The following ATP13A4 variants were observed in gnomAD, a reference collection of about 807,000 sequenced individuals.
ATP13A4 encodes probable cation-transporting ATPase 13A4.
A neutral mutation model predicts 142.5 loss-of-function variants in ATP13A4; 114 were observed. The ratio of observed to expected loss-of-function variants is 0.80; its 90% CI spans 0.69 to 0.93. The LOEUF (loss-of-function observed/expected upper bound fraction) is 0.93, where lower values mean the gene tolerates loss of function less well. ATP13A4 is among the 40% of genes least tolerant of loss of function. ATP13A4 has a pLI of 0.00. For synonymous variants in ATP13A4, 488 were observed against 514.8 expected, an observed-to-expected ratio of 0.95 and a Z score of 0.70; for missense variants, 1,392 against 1,454.0, an observed-to-expected ratio of 0.96 and a Z score of 0.69.
At chr3:193,469,814 T>C (rs888409656) in intron 9 of ATP13A4, among the ~76,000 whole-genome samples, 6 of 152,214 alleles carry the variant, frequency 3.9e-5, no homozygotes, top group African/African-American at 1.4e-4. Flanking sequence ...TGATGGTCTC[T>C]GCAGAGTGGT....
At chr3:193,502,060 G>C (rs1720577673) in intron 3 of ATP13A4, among the ~76,000 whole-genome samples, 1 of 152,110 alleles carries the variant, frequency 6.6e-6, no homozygotes, top group African/African-American at 2.4e-5. Context: ...CCAGGAGTTT[G>C]AGGCTGTAGT....
chr3:193,480,583 ACCTTACT>A (rs1287208456), intron 8 of ATP13A4, among the ~76,000 whole-genome samples: 1 of 152,204 alleles, frequency 6.6e-6, no homozygotes, highest in African/African-American at 2.4e-5. Context: ...ATGCGATATC[ACCTTACT>A]CCTGCAAGAA....
chr3:193,459,958 G>A (rs925761925), intron 13 of ATP13A4, among the ~76,000 whole-genome samples: 1 of 152,234 alleles, frequency 6.6e-6, no homozygotes, highest in Admixed American at 6.5e-5. Flanking sequence ...AATGTTGTCT[G>A]CAGCTTGGTT....
intron 13 of ATP13A4, among the ~76,000 whole-genome samples, chr3:193,462,149 G>A (rs1355349789): frequency 4.6e-5 from 7 of 151,466 alleles, no homozygotes; most frequent in Non-Finnish European, 1.0e-4. Context: ...TTGAACCCAG[G>A]AGGCGGAGGT....
intron 17 of ATP13A4, among the ~76,000 whole-genome samples, chr3:193,449,815 C>T (rs984368321): frequency 4.6e-5 from 7 of 152,148 alleles, no homozygotes; most frequent in African/African-American, 1.7e-4. Flanking sequence ...CAAAGGCTCC[C>T]TCAGATAGAA....
intron 7 of ATP13A4, among the ~76,000 whole-genome samples, chr3:193,487,947 A>G (rs1719724250): frequency 6.6e-6 from 1 of 152,186 alleles, no homozygotes; most frequent in Admixed American, 6.5e-5. Context: ...ATGCAGAAAG[A>G]TATTTAGGAT....
At position 193,568,077 on chromosome 3, in the gene ATP13A4, A is replaced by G. The variant is rs982569725; in HGVS notation, n.291+13630T>C. 2.0e-5 allele frequency among the ~76,000 whole-genome samples: 3 copies of G among 151,960 alleles called. No individual in the cohort carries two copies. In the South Asian group the frequency reaches 6.2e-4, roughly 32 times the overall value. ...CGGGTTCAAGCGATTCTCCTGCCTCAGCCTCCTGAGTAGCTGGGATTACAG... is the reference window on the plus strand; with the variant it reads ...CGGGTTCAAGCGATTCTCCTGCCTCGGCCTCCTGAGTAGCTGGGATTACAG... On this transcript the variant is annotated intron_variant and non_coding_transcript_variant, in intron 2 of 3. Coordinates refer to the ATP13A4 transcript ENST00000489140.
rs372747644 is a variant in ATP13A4, at chr3:193,465,135, G to A, written c.1273-7C>T. ...CCACCTCCTCTGGAGGTTCCTGGAC[G>A]ACAGTCATTCTTTAATTATTACAGA... On this transcript the variant is annotated splice_polypyrimidine_tract_variant and splice_region_variant and intron_variant, in intron 11 of 29. Coordinates refer to ENST00000342695, the MANE Select transcript of ATP13A4 (RefSeq NM_032279.4). 1.1e-5 allele frequency: 18 copies of A among 1,613,198 alleles called. No individual in the cohort carries two copies. The highest frequency in any genetic ancestry group is 6.7e-5 in the African/African-American group (5 of 74,874).
chr3:193,536,984 C>A (rs1324764990), intron 1 of ATP13A4, among the ~76,000 whole-genome samples: 2 of 151,864 alleles, frequency 1.3e-5, no homozygotes, highest in African/African-American at 2.4e-5. Context: ...AGAGAGACAC[C>A]ATGTTTATGG....
At position 193,470,770 on chromosome 3, in the gene ATP13A4, T is replaced by C. The variant is rs1023972050; in HGVS notation, c.943+89A>G. The C allele has an allele frequency of 8.2e-6, 13 of 1,588,862 alleles. No homozygotes were observed. In the African/African-American group the frequency reaches 1.7e-4, roughly 21 times the overall value. On this transcript the variant is annotated intron_variant, in intron 9 of 29. Transcript: ENST00000342695. The stretch of plus-strand genomic sequence containing the variant: ...AGTGCTTTACAGCCAGCCACTGTCA[T>C]TCAGGTAGAGGAGGAGGCGTAGGGA...
intron 8 of ATP13A4, among the ~76,000 whole-genome samples, chr3:193,479,621 TACAA>T (rs1289113300): frequency 2.0e-4 from 30 of 152,014 alleles, no homozygotes; most frequent in African/African-American, 6.7e-4. Flanking sequence ...TTATAAACGA[TACAA>T]ACAAATGGAA....
intron 1 of ATP13A4, among the ~76,000 whole-genome samples, chr3:193,536,740 C>T (rs1469836341): frequency 1.3e-5 from 2 of 151,966 alleles, no homozygotes; most frequent in East Asian, 3.8e-4. Flanking sequence ...CCAAAAACTA[C>T]CTTCTAGAAT....
At chr3:193,492,487 T>C (rs1577019197) in intron 5 of ATP13A4, among the ~76,000 whole-genome samples, 1 of 152,332 alleles carries the variant, frequency 6.6e-6, no homozygotes, top group Non-Finnish European at 1.5e-5. Context: ...ATTATTTAAC[T>C]GCGTTATCAT....
intron 11 of ATP13A4, among the ~76,000 whole-genome samples, chr3:193,465,594 T>C (rs1427606595): frequency 6.6e-6 from 1 of 152,042 alleles, no homozygotes; most frequent in South Asian, 2.1e-4. Context: ...CAAATAGCAA[T>C]AAAAAACCCA....
intron 24 of ATP13A4, among the ~76,000 whole-genome samples, chr3:193,434,771 T>C (rs972755476): frequency 6.6e-6 from 1 of 152,102 alleles, no homozygotes; most frequent in Admixed American, 6.6e-5. Flanking sequence ...ACAGATGATG[T>C]GCATGTTTTT....
intron 25 of ATP13A4, 72 bp downstream of exon 25, chr3:193,433,773 C>G (rs1222592957): frequency 1.8e-6 from 2 of 1,119,350 alleles, no homozygotes; most frequent in African/African-American, 1.5e-5. Context: ...TCATGGTAGA[C>G]AAATCTTTCC....
intron 2 of ATP13A4, among the ~76,000 whole-genome samples, chr3:193,569,517 GT>G (rs564755485): frequency 2.4e-5 from 3 of 124,302 alleles, no homozygotes; most frequent in Non-Finnish European, 4.9e-5. Flanking sequence ...TTTTGGTTTG[GT>G]TTTTTTGTTG....
intron 9 of ATP13A4, among the ~76,000 whole-genome samples, chr3:193,468,242 G>A (rs1718419333): frequency 6.6e-6 from 1 of 152,150 alleles, no homozygotes. Flanking sequence ...GATGTAGAGA[G>A]ATTTAACCAC....
At chr3:193,408,075 T>C (rs1714592037) in intron 28 of ATP13A4, among the ~76,000 whole-genome samples, 1 of 152,244 alleles carries the variant, frequency 6.6e-6, no homozygotes, top group Admixed American at 6.5e-5. Context: ...TATATATGTA[T>C]GGTGAATGAG....
Sources: allele counts gnomAD v4.1 joint callset (sites outside exome capture counted in the v4.1 genomes callset), GRCh38; gene constraint gnomAD v4.1.1; transcripts MANE v1.5; gene names NCBI Gene and HGNC (gene_info 2026-07-23, HGNC 2026-07-21).